Variants in ZDHHC21 observed in about 807,000 individuals in gnomAD.
The protein encoded by ZDHHC21 is palmitoyltransferase ZDHHC21.
A neutral mutation model predicts 34.6 loss-of-function variants in ZDHHC21; 15 were observed. The observed-to-expected ratio is 0.43, with a 90% CI of 0.29 to 0.67. ZDHHC21 has a LOEUF of 0.67. ZDHHC21 is among the 30% of genes least tolerant of loss of function. ZDHHC21 has a pLI of 0.14. For missense variants in ZDHHC21, 344 were observed against 327.7 expected (o/e 1.05, Z -0.38); for synonymous variants, 142 against 101.8 (o/e 1.40, Z -2.38).
At chr9:14,609,593 G>GT (rs1564157945), downstream of ZDHHC21, among the ~76,000 whole-genome samples, 2 of 152,082 alleles carry the variant, frequency 1.3e-5, no homozygotes, top group African/African-American at 4.8e-5. Flanking sequence ...GACAAGATCA[G>GT]TGGTAATATT....
At chr9:14,605,059 A>G in the ZDHHC21 span, among the ~76,000 whole-genome samples, 6 of 152,304 alleles carry the variant, frequency 3.9e-5, no homozygotes, top group South Asian at 8.3e-4. Context: ...CTATGGCTGA[A>G]TAACATTCCA....
the ZDHHC21 span, among the ~76,000 whole-genome samples, chr9:14,598,643 G>C: frequency 1.3e-5 from 2 of 152,032 alleles, no homozygotes; most frequent in African/African-American, 4.8e-5. Flanking sequence ...AAAAAATGCA[G>C]AATGATATTT....
Position 14,618,376 on chromosome 9 carries a change from A to G in ZDHHC21, c.*590T>C, listed in dbSNP as rs1824654811. 6.6e-6 allele frequency: 1 copy of G among 152,570 alleles called. No homozygotes were observed. The highest frequency in any genetic ancestry group is 1.9e-4 in the East Asian group (1 of 5,178). The allele number at this position is 152,570 out of a possible 1,614,324, so 9.5% of individuals were successfully genotyped here. Reference sequence around the variant, plus strand: ...TGTTGGTTTTGGTGAAGAAAAAAGAAGAAAACGTAAGCAAGCCACTCCTAA... The same window carrying G: ...TGTTGGTTTTGGTGAAGAAAAAAGAGGAAAACGTAAGCAAGCCACTCCTAA... On this transcript the variant is annotated 3_prime_UTR_variant, in exon 10 of 10. Transcript: ENST00000380916.
intron 7 of ZDHHC21, among the ~76,000 whole-genome samples, chr9:14,657,204 G>T (rs1244213722): frequency 6.6e-6 from 1 of 152,024 alleles, no homozygotes; most frequent in African/African-American, 2.4e-5. Context: ...AATGGTTACT[G>T]TAAAACGGTC....
the ZDHHC21 span, among the ~76,000 whole-genome samples, chr9:14,605,547 T>C: frequency 6.7e-5 from 10 of 149,996 alleles, no homozygotes; most frequent in Non-Finnish European, 1.5e-4. Flanking sequence ...TGGATTTTTT[T>C]CTTCTATTAA....
chr9:14,671,731 T>G (rs951506631), intron 5 of ZDHHC21, among the ~76,000 whole-genome samples: 6 of 152,062 alleles, frequency 3.9e-5, no homozygotes, highest in African/African-American at 1.4e-4. Context: ...TTGATTGCAG[T>G]GATGGTTACA....
chr9:14,692,390 C>T (rs1047406757), intron 1 of ZDHHC21, among the ~76,000 whole-genome samples: 2 of 152,238 alleles, frequency 1.3e-5, no homozygotes, highest in East Asian at 3.9e-4. Flanking sequence ...TATCCTTAGT[C>T]GCCTTTGGAC....
chr9:14,588,934 C>T, the ZDHHC21 span: 2 of 152,212 alleles, frequency 1.3e-5, no homozygotes, highest in Non-Finnish European at 1.5e-5. Context: ...GAGTACTATC[C>T]CTCGTGACCC....
chr9:14,678,008 T>C (rs1305637750), intron 3 of ZDHHC21, among the ~76,000 whole-genome samples: 1 of 152,104 alleles, frequency 6.6e-6, no homozygotes, highest in Non-Finnish European at 1.5e-5. Context: ...ATTCTTCACC[T>C]TAGCCTAAGC....
intron 2 of ZDHHC21, among the ~76,000 whole-genome samples, chr9:14,684,494 A>G: frequency 6.8e-6 from 1 of 147,900 alleles, no homozygotes; most frequent in Non-Finnish European, 1.5e-5. Context: ...CCAACTTACA[A>G]GGGATGTGAA....
intron 5 of ZDHHC21, among the ~76,000 whole-genome samples, chr9:14,670,139 G>A (rs926237175): frequency 6.6e-6 from 1 of 152,054 alleles, no homozygotes; most frequent in African/African-American, 2.4e-5. Flanking sequence ...ATAAAAATTT[G>A]TTTTTATCAG....
At chr9:14,592,371 C>A in the ZDHHC21 span, among the ~76,000 whole-genome samples, 1 of 151,808 alleles carries the variant, frequency 6.6e-6, no homozygotes, top group South Asian at 2.1e-4. Flanking sequence ...TATATTTATA[C>A]ATATTTACTG....
chr9:14,595,621 G>A, the ZDHHC21 span, among the ~76,000 whole-genome samples: 1 of 152,138 alleles, frequency 6.6e-6, no homozygotes, highest in Non-Finnish European at 1.5e-5. Flanking sequence ...AGGCATGTAA[G>A]TAACAAACAG....
intron 8 of ZDHHC21, among the ~76,000 whole-genome samples, chr9:14,624,492 G>T (rs1206969502): frequency 6.6e-6 from 1 of 152,068 alleles, no homozygotes. Flanking sequence ...GCCAAAAAAA[G>T]AATGAAGTAC....
At chr9:14,688,299 A>G (rs1838655003) in intron 2 of ZDHHC21, among the ~76,000 whole-genome samples, 1 of 150,908 alleles carries the variant, frequency 6.6e-6, no homozygotes, top group South Asian at 2.1e-4. Flanking sequence ...AGCGCCTCCA[A>G]AATGCTAACT....
At chr9:14,628,629 C>T (rs1404606480) in intron 8 of ZDHHC21, among the ~76,000 whole-genome samples, 1 of 152,076 alleles carries the variant, frequency 6.6e-6, no homozygotes, top group African/African-American at 2.4e-5. Flanking sequence ...TACTGTGATT[C>T]TTTCTCCCAC....
At chr9:14,652,038 G>T (rs1587143214) in intron 7 of ZDHHC21, among the ~76,000 whole-genome samples, 1 of 151,880 alleles carries the variant, frequency 6.6e-6, no homozygotes, top group South Asian at 2.1e-4. Context: ...AAATGCAAAT[G>T]ATGCAAACTA....
At chr9:14,648,462 C>CT (rs1013386340) in intron 7 of ZDHHC21, among the ~76,000 whole-genome samples, 3 of 152,094 alleles carry the variant, frequency 2.0e-5, no homozygotes, top group Non-Finnish European at 2.9e-5. Context: ...TCCTATTGCT[C>CT]TGTCCCTAAC....
rs1438600215 is a variant in ZDHHC21 at position 14,617,131 on chromosome 9, T to C, written c.*1835A>G. 1 of 152,002 alleles carries C rather than the reference T, an allele frequency of 6.6e-6. No individual in the cohort carries two copies. Among genetic ancestry groups the C allele is most frequent in the African/African-American group, 2.4e-5 (1 of 41,444 alleles). 9.4% of individuals were successfully genotyped at this position (152,002 alleles called of 1,614,324 possible). A position where few individuals can be genotyped will look rare whatever the true frequency, so the allele number is the denominator to read the frequency against. ...TATATTACTTCCTTATGAACAGTTC[T>C]GTCACCAGGCCAAATGTGGCCAAAT... On this transcript the variant is annotated 3_prime_UTR_variant, in exon 10 of 10. Coordinates refer to ENST00000380916, the MANE Select transcript of ZDHHC21 (RefSeq NM_178566.6).
Sources: allele counts gnomAD v4.1 joint callset (sites outside exome capture counted in the v4.1 genomes callset), GRCh38; gene constraint gnomAD v4.1.1; transcripts MANE v1.5; gene names NCBI Gene and HGNC (gene_info 2026-07-23, HGNC 2026-07-21).